The following NPC1 variants were observed in gnomAD, a reference collection of about 807,000 sequenced individuals.
NPC1 encodes Niemann-Pick C1 protein.
In NPC1, 85 loss-of-function variants were observed where a neutral mutation model predicts 140.4. The observed-to-expected ratio is 0.61, with a 90% CI of 0.51 to 0.72. NPC1 has a LOEUF of 0.72. NPC1 is among the 30% of genes least tolerant of loss of function. The pLI is 0.00. For synonymous variants in NPC1, 656 were observed against 624.8 expected (o/e 1.05, Z -0.74); for missense variants, 1,504 against 1,623.8 (o/e 0.93, Z 1.27).
intron 20 of NPC1, among the ~76,000 whole-genome samples, chr18:23,537,256 G>A (rs557077473): frequency 6.6e-6 from 1 of 152,276 alleles, no homozygotes; most frequent in East Asian, 1.9e-4. Flanking sequence ...TTTTTTAGTA[G>A]AGACAGGGTT....
At chr18:23,550,479 C>CTATTTTTTTTTTTTTTTTTT (rs2058853344) in intron 10 of NPC1, among the ~76,000 whole-genome samples, 1 of 74,922 alleles carries the variant, frequency 1.3e-5, no homozygotes, top group Non-Finnish European at 2.2e-5. Context: ...TCTTACATTT[C>CTATTTTTTTTTTTTTTTTTT]TTTTTTTTTT....
intron 17 of NPC1, 36 bp downstream of exon 17, chr18:23,540,409 AAAG>A (rs1480127429): frequency 1.5e-6 from 2 of 1,295,740 alleles, no homozygotes; most frequent in Non-Finnish European, 2.2e-6. Context: ...ATCATCAGCT[AAAG>A]AAGTTAAAAA....
At chr18:23,544,061 CAT>C (rs998440483) in intron 13 of NPC1, among the ~76,000 whole-genome samples, 8 of 152,146 alleles carry the variant, frequency 5.3e-5, no homozygotes, top group African/African-American at 1.9e-4. Context: ...TTCTTGTACA[CAT>C]GATACTATTT....
intron 3 of NPC1, chr18:23,509,277 C>T: frequency 7.1e-7 from 1 of 1,416,500 alleles, no homozygotes; most frequent in South Asian, 1.8e-5. Context: ...CGAATTTTAC[C>T]AGGTATTATG....
chr18:23,526,716 C>A (rs1286022751), downstream of NPC1: 1 of 1,614,144 alleles, frequency 6.2e-7, no homozygotes, highest in Non-Finnish European at 8.5e-7. Context: ...TGGACTTTCT[C>A]CTCCAGAGAA....
chr18:23,554,864 T>C lies in NPC1; in HGVS notation c.1447A>G (p.Ser483Gly). The C allele has an allele frequency of 6.2e-7, 1 of 1,614,064 alleles. No homozygotes were observed. Among genetic ancestry groups the C allele is most frequent in the African/African-American group, 1.3e-5 (1 of 75,026 alleles). Residue 483 changes from serine (S) to glycine (G), a missense_variant, in exon 9 of 25, where the codon AGT (serine) becomes GGT (glycine). By Grantham distance (56) the Ser-to-Gly change is moderately conservative. Transcript: ENST00000269228. ...SPYNTNCTIL[S>G]VLNYFQNSHS... ...CTGTTCTGGAAGTAATTTAACACAC[T>C]CAAAATGGTGCAGTTCGTGTTATAC...
intron 20 of NPC1, among the ~76,000 whole-genome samples, chr18:23,537,241 T>A (rs984207593): frequency 3.9e-5 from 6 of 152,208 alleles, no homozygotes; most frequent in Admixed American, 3.3e-4. Context: ...AACTAACTTT[T>A]GTATTTTTTT....
chr18:23,555,328 C>G (rs1165312274), intron 8 of NPC1, among the ~76,000 whole-genome samples: 1 of 152,266 alleles, frequency 6.6e-6, no homozygotes, highest in African/African-American at 2.4e-5. Context: ...GACTCCTGGT[C>G]TCCCTGACCC....
rs1380492295 is a variant in NPC1 at position 23,545,143 on chromosome 18, A to G, written c.1764T>C (p.Ile588=). Residue 588 remains isoleucine, a synonymous_variant, in exon 12 of 25, where the codon ATT becomes ATC. Transcript: ENST00000269228. ...QRAQAWEKEF[I]NFVKNYKNPN... ...GATTCTTGTAGTTTTTCACAAAATT[A>G]ATAAACCTAAAAGGTAAGCAAAATG... 8 of 1,607,280 alleles carry G rather than the reference A, an allele frequency of 5.0e-6. No homozygotes were observed. The highest frequency in any genetic ancestry group is 6.0e-6 in the Non-Finnish European group (7 of 1,173,832).
At chr18:23,557,693 G>A (rs2058975008) in intron 6 of NPC1, among the ~76,000 whole-genome samples, 1 of 152,110 alleles carries the variant, frequency 6.6e-6, no homozygotes, top group Non-Finnish European at 1.5e-5. Context: ...AGTGAGCTGA[G>A]ATCGCGCCAC....
chr18:23,539,669 A>G, intron 18 of NPC1, 142 bp downstream of exon 18: 1 of 1,007,078 alleles, frequency 9.9e-7, no homozygotes. Context: ...TTTTAAGGTA[A>G]AGCCAGATTT....
Position 23,531,514 on chromosome 18 carries a change from A to AT in NPC1, c.*687dup. The AT allele has an allele frequency of 6.6e-7, 1 of 1,505,668 alleles. No homozygotes were observed. The highest frequency in any genetic ancestry group is 8.8e-7 in the Non-Finnish European group (1 of 1,134,810). 93.3% of individuals were successfully genotyped at this position (1,505,668 alleles called of 1,614,324 possible). On this transcript the variant is annotated 3_prime_UTR_variant, in exon 25 of 25. Transcript: ENST00000269228. ...ACCCCAAAACTTAGGAAAACAATGTATTTTATTAAAGAAAAATAAGTTAAA... is the reference window on the plus strand; with the variant it reads ...ACCCCAAAACTTAGGAAAACAATGTATTTTTATTAAAGAAAAATAAGTTAAA...
intron 9 of NPC1, among the ~76,000 whole-genome samples, chr18:23,553,068 G>A (rs981815517): frequency 6.6e-6 from 1 of 152,190 alleles, no homozygotes; most frequent in African/African-American, 2.4e-5. Flanking sequence ...GGCGAGACTG[G>A]GGTTATGAGG....
chr18:23,532,599 T>C (rs1009762162), intron 24 of NPC1, among the ~76,000 whole-genome samples: 3 of 152,044 alleles, frequency 2.0e-5, no homozygotes, highest in Admixed American at 1.3e-4. Context: ...CCACTTCACC[T>C]GGCTAATTTT....
At chr18:23,568,117 CTCATT>C (rs1372787213) in intron 4 of NPC1, among the ~76,000 whole-genome samples, 11 of 151,758 alleles carry the variant, frequency 7.2e-5, no homozygotes, top group African/African-American at 1.5e-4. Flanking sequence ...ATTTTCTCAT[CTCATT>C]TATCAACTAG....
chr18:23,524,306 T>TGTCCAGGGGCCTC, downstream of NPC1: 2 of 1,481,678 alleles, frequency 1.3e-6, no homozygotes, highest in South Asian at 2.3e-5. Flanking sequence ...CTTCCCTGAC[T>TGTCCAGGGGCCTC]GTCCAGGGGC....
chr18:23,525,658 C>T (rs547592168), downstream of NPC1, among the ~76,000 whole-genome samples: 17 of 151,682 alleles, frequency 1.1e-4, no homozygotes, highest in Non-Finnish European at 1.9e-4. Flanking sequence ...CTCCTGACCT[C>T]GTGATCTGCC....
chr18:23,576,277 C>T (rs533961061), intron 1 of NPC1, among the ~76,000 whole-genome samples: 3 of 151,996 alleles, frequency 2.0e-5, no homozygotes, highest in African/African-American at 4.8e-5. Context: ...AAAAATTAGC[C>T]GAGCCTAGTG....
intron 4 of NPC1, among the ~76,000 whole-genome samples, chr18:23,564,986 T>C (rs377160220): frequency 5.9e-5 from 9 of 152,222 alleles, no homozygotes; most frequent in Non-Finnish European, 1.3e-4. Flanking sequence ...CAGTTGACCA[T>C]AGATATATTA....
Sources: gnomAD v4.1 joint callset for allele counts (sites outside exome capture counted in the v4.1 genomes callset) on GRCh38, gnomAD v4.1.1 for gene constraint, MANE v1.5 for transcripts, NCBI Gene and HGNC (gene_info 2026-07-23, HGNC 2026-07-21) for gene names.